Variants in ROCK1 observed in about 807,000 individuals in gnomAD.
The protein encoded by ROCK1 is rho-associated protein kinase 1.
A neutral mutation model predicts 196.8 loss-of-function variants in ROCK1; 36 were observed. That is an observed-to-expected ratio of 0.18 (90% CI 0.14 to 0.24). ROCK1 has a LOEUF of 0.24. Ranked by LOEUF, ROCK1 falls within the 10% of genes least tolerant of loss-of-function variation. The probability of loss-of-function intolerance (pLI) is 1.00; values close to 1 mark genes in which losing one functional copy is unlikely to be tolerated. For missense variants in ROCK1, 920 were observed against 1,562.0 expected, an observed-to-expected ratio of 0.59 and a Z score of 6.93; for synonymous variants, 443 against 515.9, an observed-to-expected ratio of 0.86 and a Z score of 1.91.
intron 11 of ROCK1, among the ~76,000 whole-genome samples, chr18:21,021,828 G>A (rs2035915326): frequency 6.6e-6 from 1 of 152,124 alleles, no homozygotes; most frequent in African/African-American, 2.4e-5. Context: ...TAACTCTACA[G>A]TCAAGTAACA....
Position 21,049,246 on chromosome 18 carries a change from G to A in ROCK1, c.277-17C>T, listed in dbSNP as rs367930199. The A allele has an allele frequency of 2.9e-5, 44 of 1,525,938 alleles. No homozygotes were observed. The East Asian group carries it at 3.1e-4, about 11-fold the overall frequency. The allele number at this position is 1,525,938 out of a possible 1,614,324, so 94.5% of individuals were successfully genotyped here. A position where few individuals can be genotyped will look rare whatever the true frequency, so the allele number is the denominator to read the frequency against. The stretch of plus-strand genomic sequence containing the variant: ...ATGCCTTACCTTTAAAATTGAAAAG[G>A]GAAAATAATGAACCTTTTGTTAACA... On this transcript the variant is annotated splice_polypyrimidine_tract_variant and intron_variant, in intron 3 of 32. Coordinates refer to ENST00000399799, the MANE Select transcript of ROCK1 (RefSeq NM_005406.3).
At chr18:21,007,989 C>T in intron 14 of ROCK1, 70 bp downstream of exon 14, 1 of 1,214,658 alleles carries the variant, frequency 8.2e-7, no homozygotes, top group Non-Finnish European at 1.1e-6. Context: ...GTATCATGGA[C>T]ACTAAATTAA....
Position 20,958,987 on chromosome 18 carries a change from TA to T in ROCK1, c.3512+852del, listed in dbSNP as rs1171489790. 7.6e-3 allele frequency among the ~76,000 whole-genome samples: 653 copies of T among 86,234 alleles called. 4 individuals are homozygous for T. The highest frequency in any genetic ancestry group is 0.01 in the Admixed American group (49 of 4,890). 56.6% of individuals were successfully genotyped at this position (86,234 alleles called of 152,430 possible). On this transcript the variant is annotated intron_variant, in intron 29 of 32. Transcript: ENST00000399799. ...TAATATATATAATATATATATTTTA[TA>T]AAAAATAATATATATATTTTATATA... is the stretch of plus-strand genomic sequence containing the variant.
intron 5 of ROCK1, chr18:21,045,020 C>G (rs2036142873): frequency 1.3e-5 from 3 of 227,460 alleles, no homozygotes; most frequent in Non-Finnish European, 7.9e-6. Flanking sequence ...GCCACCACAC[C>G]TGTGTTTTTT....
intron 4 of ROCK1, among the ~76,000 whole-genome samples, chr18:21,047,654 C>T (rs1366887629): frequency 2.6e-5 from 4 of 151,846 alleles, no homozygotes; most frequent in Middle Eastern, 3.2e-3. Context: ...AATAGCCGGG[C>T]GTGGTGGCAG....
At chr18:21,064,088 A>C (rs2143541191) in intron 2 of ROCK1, among the ~76,000 whole-genome samples, 1 of 152,318 alleles carries the variant, frequency 6.6e-6, no homozygotes, top group African/African-American at 2.4e-5. Flanking sequence ...TGAAAAGAAA[A>C]AACAAGCAAC....
Position 20,949,976 on chromosome 18 carries a change from T to C in ROCK1, c.*1408A>G, listed in dbSNP as rs1180673319. 1 of 152,688 alleles carries C rather than the reference T, an allele frequency of 6.5e-6. No homozygotes were observed. Among genetic ancestry groups the C allele is most frequent in the African/African-American group, 2.4e-5 (1 of 41,468 alleles). 9.5% of individuals were successfully genotyped at this position (152,688 alleles called of 1,614,324 possible). A position where few individuals can be genotyped will look rare whatever the true frequency, so the allele number is the denominator to read the frequency against. On this transcript the variant is annotated 3_prime_UTR_variant, in exon 33 of 33. Transcript: ENST00000399799. ...TATTACATATCCATCAGTGCGGCTT[T>C]CAATACCACTTGAAACATGCATATC...
intron 22 of ROCK1, among the ~76,000 whole-genome samples, chr18:20,978,448 C>T (rs1172292418): frequency 2.6e-5 from 4 of 152,070 alleles, no homozygotes; most frequent in African/African-American, 7.2e-5. Context: ...ATATCTGTAC[C>T]ATCTATTATA....
At position 20,951,072 on chromosome 18, in the gene ROCK1, T is replaced by C. The variant is rs1429599385; in HGVS notation, c.*312A>G. 3 of 255,760 alleles carry C rather than the reference T, an allele frequency of 1.2e-5. No individual in the cohort carries two copies. The highest frequency in any genetic ancestry group is 2.2e-5 in the African/African-American group (1 of 45,074). The allele number at this position is 255,760 out of a possible 1,614,324, so 15.8% of individuals were successfully genotyped here. ...CTCATATGAGGAAAACTCTGTTCTA[T>C]CACGACTGACAGGCATTTTCTTATA... On this transcript the variant is annotated 3_prime_UTR_variant, in exon 33 of 33. Transcript: ENST00000399799.
chr18:21,018,342 C>A (rs2035882533), intron 12 of ROCK1, among the ~76,000 whole-genome samples: 1 of 151,836 alleles, frequency 6.6e-6, no homozygotes, highest in African/African-American at 2.4e-5. Context: ...CCAGCCTGGT[C>A]AACATGGTGA....
chr18:21,094,474 A>T (rs1355577666), intron 1 of ROCK1, among the ~76,000 whole-genome samples: 1 of 152,158 alleles, frequency 6.6e-6, no homozygotes, highest in African/African-American at 2.4e-5. Context: ...TCTCCAAAGA[A>T]GACGTCTATC....
Position 20,951,395 on chromosome 18 carries a change from G to T in ROCK1, c.4062-8C>A, listed in dbSNP as rs370185241. On this transcript the variant is annotated splice_polypyrimidine_tract_variant and splice_region_variant and intron_variant, in intron 32 of 32. Coordinates refer to ENST00000399799, the MANE Select transcript of ROCK1 (RefSeq NM_005406.3). ...ACTCAGTCACATGGTTAACTGTTGA[G>T]GGAGGGGGAAAAAACTAATTTAAGA... 2.5e-6 allele frequency: 4 copies of T among 1,591,496 alleles called. No homozygotes were observed. Among genetic ancestry groups the T allele is most frequent in the African/African-American group, 1.4e-5 (1 of 74,058 alleles).
chr18:21,020,455 G>C (rs990902271), intron 11 of ROCK1, among the ~76,000 whole-genome samples: 1 of 151,934 alleles, frequency 6.6e-6, no homozygotes, highest in Non-Finnish European at 1.5e-5. Flanking sequence ...AAAAAGATTT[G>C]GTTCCTGTTC....
intron 22 of ROCK1, among the ~76,000 whole-genome samples, chr18:20,973,385 C>T (rs1242095513): frequency 1.3e-5 from 2 of 151,970 alleles, no homozygotes; most frequent in African/African-American, 4.8e-5. Context: ...TCAAGCGATT[C>T]TCCTGCCTCA....
intron 1 of ROCK1, among the ~76,000 whole-genome samples, chr18:21,085,132 A>C (rs1281091808): frequency 6.6e-6 from 1 of 152,170 alleles, no homozygotes; most frequent in African/African-American, 2.4e-5. Context: ...ATGGATACAG[A>C]GTTTGTTTGA....
At chr18:20,974,050 G>A (rs764595666) in intron 22 of ROCK1, among the ~76,000 whole-genome samples, 11 of 152,124 alleles carry the variant, frequency 7.2e-5, no homozygotes, top group Non-Finnish European at 1.2e-4. Flanking sequence ...GATTACAGGC[G>A]TGAGCCACCG....
At position 21,009,044 on chromosome 18, in the gene ROCK1, C is replaced by T. The variant is rs2035792775; in HGVS notation, c.1411-850G>A. 3.3e-5 allele frequency among the ~76,000 whole-genome samples: 5 copies of T among 152,234 alleles called. No homozygotes were observed. The South Asian group carries it at 6.2e-4, about 19-fold the overall frequency. On this transcript the variant is annotated intron_variant, in intron 13 of 32. Transcript: ENST00000399799. ...TTTCCAGTCACTAGTTATAGCCACA[C>T]CCATCCCCGTCCTCCCACCACCCAT...
In ROCK1 at chr18:21,013,103, A is replaced by G. The variant is rs545686987; in HGVS notation, c.1410+2328T>C. Among the ~76,000 whole-genome samples, 40 of 152,326 alleles carry G rather than the reference A, an allele frequency of 2.6e-4. 1 individual carries two copies. In the South Asian group the frequency reaches 7.9e-3, roughly 30 times the overall value. ...ACTCTAACATCTGTGTCATCTCAGC[A>G]TTGGTATTAGTTTATTATTGTTTCT... On this transcript the variant is annotated intron_variant, in intron 13 of 32. Transcript: ENST00000399799.
At chr18:21,063,837 G>A (rs2036311977) in intron 2 of ROCK1, among the ~76,000 whole-genome samples, 1 of 152,174 alleles carries the variant, frequency 6.6e-6, no homozygotes, top group African/African-American at 2.4e-5. Context: ...CCACTGTTCA[G>A]AAATCTGCAC....
Sources: gnomAD v4.1 joint callset for allele counts (sites outside exome capture counted in the v4.1 genomes callset) on GRCh38, gnomAD v4.1.1 for gene constraint, MANE v1.5 for transcripts, NCBI Gene and HGNC (gene_info 2026-07-23, HGNC 2026-07-21) for gene names.